The following STK39 variants were observed in gnomAD, a reference collection of about 807,000 sequenced individuals.
STK39 encodes STE20/SPS1-related proline-alanine-rich protein kinase.
A neutral mutation model predicts 77.8 loss-of-function variants in STK39; 20 were observed. The observed-to-expected ratio is 0.26, with a 90% CI of 0.18 to 0.37. The LOEUF is 0.37. Ranked by LOEUF, STK39 falls within the 10% of genes least tolerant of loss-of-function variation. STK39 has a pLI of 1.00. For missense variants in STK39, 479 were observed against 656.5 expected (o/e 0.73, Z 2.95); for synonymous variants, 246 against 234.1 (o/e 1.05, Z -0.47).
At chr2:168,099,794 T>A in intron 10 of STK39, among the ~76,000 whole-genome samples, 1 of 151,416 alleles carries the variant, frequency 6.6e-6, no homozygotes, top group East Asian at 1.9e-4. Flanking sequence ...AAAAAGCATG[T>A]TTTTAGCAGC....
intron 15 of STK39, among the ~76,000 whole-genome samples, chr2:168,016,405 A>C (rs1032049645): frequency 6.6e-6 from 1 of 150,850 alleles, no homozygotes; most frequent in African/African-American, 2.4e-5. Flanking sequence ...AAAAAAAAAA[A>C]AAAAAAAACA....
chr2:168,153,814 G>A (rs906894053), intron 5 of STK39, among the ~76,000 whole-genome samples: 1 of 152,174 alleles, frequency 6.6e-6, no homozygotes, highest in Non-Finnish European at 1.5e-5. Flanking sequence ...AGATGTAAGA[G>A]TTGAAATCAA....
At chr2:168,201,733 C>A (rs1689616888) in intron 1 of STK39, among the ~76,000 whole-genome samples, 1 of 152,182 alleles carries the variant, frequency 6.6e-6, no homozygotes, top group South Asian at 2.1e-4. Flanking sequence ...CCAAGACCCA[C>A]TGAGAATCAA....
chr2:168,225,819 T>C (rs911963730), intron 1 of STK39, among the ~76,000 whole-genome samples: 1 of 152,218 alleles, frequency 6.6e-6, no homozygotes, highest in Non-Finnish European at 1.5e-5. Context: ...CCTGCCACAC[T>C]TGTGATTCCT....
intron 12 of STK39, among the ~76,000 whole-genome samples, chr2:168,068,108 A>G (rs569148855): frequency 2.0e-5 from 3 of 152,324 alleles, no homozygotes; most frequent in South Asian, 4.2e-4. Flanking sequence ...ACCTGCTGCT[A>G]TGATTCAATT....
At position 168,016,387 on chromosome 2, in the gene STK39, C is replaced by CAAAAAAAAAAAAAAAAA. The variant is rs869084308; in HGVS notation, c.1429+639_1429+655dup. Reference sequence around the variant, plus strand: ...TTTTGTTTGGCTGGTGGCCTTTGTTCAAAAAAAAAAAAAAAAAAAAAAAAA... The same window carrying CAAAAAAAAAAAAAAAAA: ...TTTTGTTTGGCTGGTGGCCTTTGTTCAAAAAAAAAAAAAAAAAAAAAAAAAAAAAAAAAAAAAAAAAA... On this transcript the variant is annotated intron_variant, in intron 15 of 17. Transcript: ENST00000355999. Among the ~76,000 whole-genome samples the CAAAAAAAAAAAAAAAAA allele has an allele frequency of 9.1e-5, 6 of 65,686 alleles. 1 individual carries two copies. The highest frequency in any genetic ancestry group is 3.3e-4 in the African/African-American group (6 of 18,034). The allele number at this position is 65,686 out of a possible 152,430, so 43.1% of individuals were successfully genotyped here. A position where few individuals can be genotyped will look rare whatever the true frequency, so the allele number is the denominator to read the frequency against.
chr2:168,013,643 C>G (rs1684326991), intron 15 of STK39, among the ~76,000 whole-genome samples: 1 of 152,150 alleles, frequency 6.6e-6, no homozygotes, highest in African/African-American at 2.4e-5. Context: ...AAATGTCTTC[C>G]AAAGTCAGGG....
chr2:168,135,432 G>T (rs1178269644), intron 8 of STK39, among the ~76,000 whole-genome samples: 2 of 152,168 alleles, frequency 1.3e-5, no homozygotes. Flanking sequence ...GCTAAGCCAT[G>T]CAGATGTTGA....
At chr2:168,095,515 A>C (rs1308971884) in intron 10 of STK39, among the ~76,000 whole-genome samples, 2 of 152,022 alleles carry the variant, frequency 1.3e-5, no homozygotes, top group Non-Finnish European at 2.9e-5. Flanking sequence ...CTTCAATCAC[A>C]AATAAAATTG....
At chr2:168,136,276 G>T (rs990080509) in intron 8 of STK39, among the ~76,000 whole-genome samples, 2 of 151,504 alleles carry the variant, frequency 1.3e-5, no homozygotes, top group African/African-American at 4.9e-5. Context: ...GAGTGAGGCA[G>T]GAGAATCACT....
chr2:167,974,177 C>T (rs966934491), intron 16 of STK39, among the ~76,000 whole-genome samples: 6 of 152,100 alleles, frequency 3.9e-5, no homozygotes, highest in Non-Finnish European at 7.4e-5. Context: ...GGCAAAGAGA[C>T]AGACTGTTTG....
Position 168,162,898 on chromosome 2 carries a change from A to G in STK39, c.572+841T>C, listed in dbSNP as rs555173348. ...AAAAATTAGCCAGGCATGGTGCCGC[A>G]TGCCTGTAATCCCAGCTACTCGGGA... On this transcript the variant is annotated intron_variant, in intron 4 of 17. Transcript: ENST00000355999. Among the ~76,000 whole-genome samples, 1,162 of 151,844 alleles carry G rather than the reference A, an allele frequency of 7.7e-3. 4 individuals are homozygous for G. Among genetic ancestry groups the G allele is most frequent in the Non-Finnish European group, 0.012 (821 of 67,912 alleles).
intron 1 of STK39, among the ~76,000 whole-genome samples, chr2:168,186,022 G>A (rs1215656700): frequency 1.3e-5 from 2 of 152,128 alleles, no homozygotes; most frequent in Non-Finnish European, 2.9e-5. Context: ...CTTTGTTGAA[G>A]CCCTAATCCC....
At chr2:168,031,231 A>G (rs1684825708) in intron 14 of STK39, among the ~76,000 whole-genome samples, 1 of 152,208 alleles carries the variant, frequency 6.6e-6, no homozygotes. Context: ...GATTTGCATG[A>G]CAGTATTTAA....
chr2:168,245,928 C>A (rs1690886695), intron 1 of STK39, among the ~76,000 whole-genome samples: 1 of 151,966 alleles, frequency 6.6e-6, no homozygotes, highest in African/African-American at 2.4e-5. Context: ...GGTTACGGAC[C>A]TGCCCAACAT....
At chr2:167,990,329 A>AAT (rs1559046979) in intron 16 of STK39, among the ~76,000 whole-genome samples, 1 of 152,196 alleles carries the variant, frequency 6.6e-6, no homozygotes, top group Non-Finnish European at 1.5e-5. Context: ...AGGTCAGTCA[A>AAT]ATATATATTT....
intron 17 of STK39, among the ~76,000 whole-genome samples, chr2:167,962,396 G>A (rs1177627168): frequency 6.6e-6 from 1 of 152,168 alleles, no homozygotes; most frequent in Non-Finnish European, 1.5e-5. Flanking sequence ...TCTCAAACCG[G>A]CTGGCAGCTG....
intron 16 of STK39, among the ~76,000 whole-genome samples, chr2:167,975,180 T>C (rs1467651336): frequency 6.6e-6 from 1 of 152,188 alleles, no homozygotes; most frequent in East Asian, 1.9e-4. Flanking sequence ...TTATGACTCA[T>C]CATGGAAAAG....
chr2:168,132,535 G>A (rs1012985402), intron 8 of STK39, among the ~76,000 whole-genome samples: 13 of 152,092 alleles, frequency 8.5e-5, no homozygotes, highest in Non-Finnish European at 1.5e-4. Context: ...CAACTGCAAC[G>A]ATGTTCTCAC....
Sources: gnomAD v4.1 joint callset for allele counts (sites outside exome capture counted in the v4.1 genomes callset) on GRCh38, gnomAD v4.1.1 for gene constraint, MANE v1.5 for transcripts, NCBI Gene and HGNC (gene_info 2026-07-23, HGNC 2026-07-21) for gene names.